Variants in FAT3 observed in about 807,000 individuals in gnomAD.
The protein encoded by FAT3 is FAT atypical cadherin 3.
In FAT3, 95 loss-of-function variants were observed where a neutral mutation model predicts 310.2. That is an observed-to-expected ratio of 0.31 (90% CI 0.26 to 0.36). FAT3 has a LOEUF of 0.36. Among genes scored for constraint, FAT3 ranks in the 10% least tolerant of loss-of-function variants. The pLI is 1.00. For missense variants in FAT3, 5,408 were observed against 5,715.6 expected (o/e 0.95, Z 1.74); for synonymous variants, 2,314 against 2,192.9 (o/e 1.06, Z -1.54).
chr11:92,583,553 GT>G lies in FAT3; in HGVS notation c.3607+58606del, dbSNP rs924043327. On this transcript the variant is annotated intron_variant, in intron 3 of 27. Transcript: ENST00000525166. ...AATGATGTGGTTTTTTGGCCTCCTT[GT>G]CCCCCATTCTGAGCCTTGCCCCCTA... Among the ~76,000 whole-genome samples the G allele has an allele frequency of 8.6e-5, 13 of 151,256 alleles. No individual in the cohort carries two copies. The East Asian group carries it at 9.8e-4, about 11-fold the overall frequency.
intron 3 of FAT3, among the ~76,000 whole-genome samples, chr11:92,656,309 T>C (rs1419550178): frequency 6.6e-6 from 1 of 152,232 alleles, no homozygotes; most frequent in Non-Finnish European, 1.5e-5. Context: ...TAATTTCCTT[T>C]GTTCCATTAA....
intron 4 of FAT3, among the ~76,000 whole-genome samples, chr11:92,715,067 A>AG (rs1591640367): frequency 6.6e-6 from 1 of 152,060 alleles, no homozygotes; most frequent in Non-Finnish European, 1.5e-5. Context: ...CCAAAAAAAA[A>AG]AAGACTAAAA....
At chr11:92,551,428 G>GTGTGTGTGTGTGTA in intron 3 of FAT3, among the ~76,000 whole-genome samples, 1 of 151,176 alleles carries the variant, frequency 6.6e-6, no homozygotes, top group East Asian at 2.0e-4. Flanking sequence ...GTGTGTGTGT[G>GTGTGTGTGTGTGTA]TGTGTGTGTG....
chr11:92,312,165 C>G (rs1947322182), intron 1 of FAT3, among the ~76,000 whole-genome samples: 1 of 152,150 alleles, frequency 6.6e-6, no homozygotes, highest in South Asian at 2.1e-4. Context: ...ATTCAAAGGA[C>G]TCCCTTGTGG....
At chr11:92,476,983 A>G (rs1049834353) in intron 2 of FAT3, among the ~76,000 whole-genome samples, 5 of 152,206 alleles carry the variant, frequency 3.3e-5, no homozygotes, top group African/African-American at 1.2e-4. Context: ...AGACTGCCAG[A>G]AGCCAATGGT....
At chr11:92,710,619 C>A (rs1386665464) in intron 4 of FAT3, among the ~76,000 whole-genome samples, 1 of 152,190 alleles carries the variant, frequency 6.6e-6, no homozygotes, top group East Asian at 1.9e-4. Flanking sequence ...TTTTTTACAA[C>A]AGAAGGTGTT....
At position 92,769,386 on chromosome 11, in the gene FAT3, G is replaced by A. The variant is rs137880843; in HGVS notation, c.4195+4297G>A. Among the ~76,000 whole-genome samples, 73 of 152,278 alleles carry A rather than the reference G, an allele frequency of 4.8e-4. 1 individual carries two copies. The highest frequency in any genetic ancestry group is 4.1e-3 in the Admixed American group (63 of 15,300). ...CACAAATAACCCATAATCCTTTGTG[G>A]CTTTATCACATATCTTCACACTTCT... On this transcript the variant is annotated intron_variant, in intron 6 of 27. Coordinates refer to ENST00000525166, the MANE Select transcript of FAT3 (RefSeq NM_001367949.2).
chr11:92,681,837 G>A (rs1943488676), intron 3 of FAT3, among the ~76,000 whole-genome samples: 1 of 152,186 alleles, frequency 6.6e-6, no homozygotes, highest in Non-Finnish European at 1.5e-5. Context: ...AGCAGTATCA[G>A]TGTGGGAGGG....
intron 2 of FAT3, among the ~76,000 whole-genome samples, chr11:92,481,629 CAACATCTAA>C (rs1952229783): frequency 6.6e-6 from 1 of 152,130 alleles, no homozygotes; most frequent in Non-Finnish European, 1.5e-5. Flanking sequence ...TAAATTGAGT[CAACATCTAA>C]AACATAAATG....
chr11:92,590,961 C>T (rs1939395405), intron 3 of FAT3, among the ~76,000 whole-genome samples: 1 of 152,048 alleles, frequency 6.6e-6, no homozygotes, highest in African/African-American at 2.4e-5. Flanking sequence ...CCAACACAGA[C>T]CCATTTTCAC....
intron 1 of FAT3, among the ~76,000 whole-genome samples, chr11:92,283,718 T>C (rs1946489204): frequency 6.6e-6 from 1 of 152,160 alleles, no homozygotes; most frequent in Non-Finnish European, 1.5e-5. Context: ...TTTGTTAAAG[T>C]GGCCCGTGCA....
chr11:92,843,988 G>A lies in FAT3; in HGVS notation c.10621G>A (p.Val3541Ile). 2 of 1,613,794 alleles carry A rather than the reference G, an allele frequency of 1.2e-6. No homozygotes were observed. The highest frequency in any genetic ancestry group is 1.7e-6 in the Non-Finnish European group (2 of 1,179,748). Residue 3541 changes from valine (V) to isoleucine (I), a missense_variant, in exon 19 of 28, where the codon GTC (valine) becomes ATC (isoleucine). Val to Ile is a conservative substitution (Grantham distance 29). Coordinates refer to ENST00000525166, the MANE Select transcript of FAT3 (RefSeq NM_001367949.2). ...TTCTCACACTTACATCCGCGTGCGA[G>A]TCATTGAGGAAAGCACCCACAAGCC... is the stretch of plus-strand genomic sequence containing the variant. Reference protein sequence around the residue: ...QVSHTYIRVRVIEESTHKPTA... With the variant: ...QVSHTYIRVRIIEESTHKPTA...
At chr11:92,325,866 G>A (rs544417092) in intron 1 of FAT3, among the ~76,000 whole-genome samples, 18 of 152,286 alleles carry the variant, frequency 1.2e-4, no homozygotes, top group African/African-American at 3.1e-4. Context: ...TCTTGACCTC[G>A]TGATCTGCCC....
intron 2 of FAT3, among the ~76,000 whole-genome samples, chr11:92,421,829 A>G (rs1950538827): frequency 6.6e-6 from 1 of 152,188 alleles, no homozygotes; most frequent in African/African-American, 2.4e-5. Context: ...AGCCCCAGGT[A>G]GAGGAACAGG....
chr11:92,649,269 C>T (rs1411976130), intron 3 of FAT3, among the ~76,000 whole-genome samples: 4 of 152,058 alleles, frequency 2.6e-5, no homozygotes, highest in East Asian at 1.9e-4. Flanking sequence ...CTTAGGATAG[C>T]GTTTTATAGC....
At chr11:92,722,422 C>T (rs1335692502) in intron 4 of FAT3, among the ~76,000 whole-genome samples, 2 of 152,210 alleles carry the variant, frequency 1.3e-5, no homozygotes, top group Non-Finnish European at 2.9e-5. Flanking sequence ...TGTGGCTTTG[C>T]AGGGTACAGC....
chr11:92,816,185 T>C (rs934345907), intron 13 of FAT3, among the ~76,000 whole-genome samples: 2 of 152,154 alleles, frequency 1.3e-5, no homozygotes, highest in Non-Finnish European at 1.5e-5. Context: ...GATGGAAAGA[T>C]GAGTGTTAGC....
At chr11:92,811,176 C>G (rs917956504) in intron 13 of FAT3, among the ~76,000 whole-genome samples, 13 of 152,192 alleles carry the variant, frequency 8.5e-5, no homozygotes, top group African/African-American at 2.2e-4. Flanking sequence ...AGAAAGACCT[C>G]TTATTGATAT....
chr11:92,459,498 G>A (rs561022216), intron 2 of FAT3, among the ~76,000 whole-genome samples: 1 of 152,214 alleles, frequency 6.6e-6, no homozygotes, highest in South Asian at 2.1e-4. Flanking sequence ...GCCTACTTGT[G>A]TACCTACCTT....
Sources: gnomAD v4.1 joint callset for allele counts (sites outside exome capture counted in the v4.1 genomes callset) on GRCh38, gnomAD v4.1.1 for gene constraint, MANE v1.5 for transcripts, NCBI Gene and HGNC (gene_info 2026-07-23, HGNC 2026-07-21) for gene names.